ADGRV1: variants seen among roughly 807,000 people sequenced by gnomAD.
ADGRV1 encodes the protein G-protein coupled receptor 98.
A neutral mutation model predicts 596.2 loss-of-function variants in ADGRV1; 359 were observed. The ratio of observed to expected loss-of-function variants is 0.60; its 90% confidence interval spans 0.55 to 0.66. The LOEUF (loss-of-function observed/expected upper bound fraction) is 0.66. ADGRV1 is among the 30% of genes least tolerant of loss of function. The probability of loss-of-function intolerance (pLI) is 0.00; values close to 1 mark genes in which losing one functional copy is unlikely to be tolerated. For missense variants in ADGRV1, 7,274 were observed against 7,575.6 expected, an observed-to-expected ratio of 0.96 and a Z score of 1.48; for synonymous variants, 2,681 against 2,679.2, an observed-to-expected ratio of 1.00 and a Z score of -0.02.
At chr5:90,979,157 G>T (rs1438430866) in intron 84 of ADGRV1, among the ~76,000 whole-genome samples, 1 of 151,456 alleles carries the variant, frequency 6.6e-6, no homozygotes, top group Non-Finnish European at 1.5e-5. Context: ...GTCAATATTT[G>T]TGTCAATTTC....
chr5:90,629,675 G>T (rs932566355), intron 9 of ADGRV1, 136 bp downstream of exon 9: 60 of 637,448 alleles, frequency 9.4e-5, no homozygotes, highest in Non-Finnish European at 1.5e-4. Flanking sequence ...AGTTGTTTAG[G>T]TAGTCGGAAG....
At chr5:91,096,420 C>G (rs1790870931) in intron 86 of ADGRV1, among the ~76,000 whole-genome samples, 1 of 152,184 alleles carries the variant, frequency 6.6e-6, no homozygotes, top group East Asian at 1.9e-4. Context: ...TCTACTAACT[C>G]CCATGAGTAG....
At chr5:90,712,921 A>G (rs1409747728) in intron 42 of ADGRV1, among the ~76,000 whole-genome samples, 1 of 152,096 alleles carries the variant, frequency 6.6e-6, no homozygotes, top group Non-Finnish European at 1.5e-5. Context: ...CTTGGTTGGA[A>G]CAGTTTGATA....
At chr5:91,072,190 A>T (rs965425149) in intron 85 of ADGRV1, among the ~76,000 whole-genome samples, 2 of 152,142 alleles carry the variant, frequency 1.3e-5, no homozygotes, top group Admixed American at 1.3e-4. Flanking sequence ...TCTCAAATTT[A>T]TTTGGCCATA....
At position 90,974,287 on chromosome 5, in the gene ADGRV1, T is replaced by C. The variant is rs568471550; in HGVS notation, c.17973+8756T>C. On this transcript the variant is annotated intron_variant, in intron 84 of 89. Coordinates refer to ENST00000405460, the MANE Select transcript of ADGRV1 (RefSeq NM_032119.4). ...TGGCCATACTGCCCAAGGTAATTTA[T>C]AGATTCAATGCCATCCCCATCAAGC... is the stretch of plus-strand genomic sequence containing the variant. 8.6e-3 allele frequency among the ~76,000 whole-genome samples: 1,316 copies of C among 152,252 alleles called. 13 individuals carry two copies. The highest frequency in any genetic ancestry group is 0.014 in the Middle Eastern group (4 of 294).
rs773654802 is a variant in ADGRV1 at position 90,829,162 on chromosome 5, G to A, written c.16587G>A (p.Met5529Ile). 6.4e-7 allele frequency: 1 copy of A among 1,566,960 alleles called. No homozygotes were observed. Among genetic ancestry groups the A allele is most frequent in the Non-Finnish European group, 8.7e-7 (1 of 1,150,748 alleles). The change falls in exon 77 of 90, where the codon ATG becomes ATA. Residue 5529 changes from methionine (M) to isoleucine (I), a missense_variant. Transcript: ENST00000405460. ...QVARDSGTGL[M>I]MSVNFSTQEL... ...CCAGAGATTCTGGGACAGGACTAAT[G>A]ATGTCTGTTAACTTTAGTACCCAGG...
At chr5:90,974,237 A>G (rs1779339993) in intron 84 of ADGRV1, among the ~76,000 whole-genome samples, 10 of 152,282 alleles carry the variant, frequency 6.6e-5, no homozygotes, top group Middle Eastern at 3.4e-3. Flanking sequence ...ATGCTCATGG[A>G]TAGGAAGAAT....
chr5:90,688,149 T>C (rs1017626419), intron 29 of ADGRV1, among the ~76,000 whole-genome samples: 1 of 152,020 alleles, frequency 6.6e-6, no homozygotes, highest in African/African-American at 2.4e-5. Flanking sequence ...CAAACTATAC[T>C]ACAAGGCTAC....
intron 85 of ADGRV1, among the ~76,000 whole-genome samples, chr5:90,997,026 C>T (rs979151812): frequency 3.3e-5 from 5 of 152,110 alleles, no homozygotes; most frequent in Non-Finnish European, 7.3e-5. Context: ...GGCTTATAGG[C>T]AGAAGGGACT....
At chr5:91,120,383 G>A (rs953213380) in intron 87 of ADGRV1, among the ~76,000 whole-genome samples, 2 of 152,146 alleles carry the variant, frequency 1.3e-5, no homozygotes, top group African/African-American at 4.8e-5. Context: ...CACTATGTGG[G>A]CCAGTCACAA....
chr5:91,044,029 T>C (rs1405728420), intron 85 of ADGRV1, among the ~76,000 whole-genome samples: 1 of 152,082 alleles, frequency 6.6e-6, no homozygotes, highest in Admixed American at 6.6e-5. Context: ...CTGGAATGTG[T>C]ATAGGAGATA....
intron 79 of ADGRV1, among the ~76,000 whole-genome samples, chr5:90,852,065 G>A (rs1441447240): frequency 2.0e-5 from 3 of 152,122 alleles, no homozygotes; most frequent in African/African-American, 7.2e-5. Context: ...ACAAGCTATG[G>A]TGGAGGTGGA....
chr5:90,619,161 G>T lies in ADGRV1; in HGVS notation c.433G>T (p.Gly145Ter). 6.9e-7 allele frequency: 1 copy of T among 1,457,432 alleles called. No homozygotes were observed. 90.3% of individuals were successfully genotyped at this position (1,457,432 alleles called of 1,614,324 possible). A position where few individuals can be genotyped will look rare whatever the true frequency, so the allele number is the denominator to read the frequency against. Residue 145 changes from glycine to a stop codon, truncating the protein, a stop_gained, in exon 4 of 90, where the codon GGA becomes TGA. Coordinates refer to ENST00000405460, the MANE Select transcript of ADGRV1 (RefSeq NM_032119.4). LOFTEE classifies it high-confidence loss of function. ...VTILSNDNAFGIISFNMLPSI... is the reference protein window; with the variant it reads ...VTILSNDNAF ...AATATTATCAAATGACAATGCATTT[G>T]GAATTATTTCATTTAATATGGTATG...
At chr5:91,049,470 G>A (rs563584519) in intron 85 of ADGRV1, among the ~76,000 whole-genome samples, 1 of 152,270 alleles carries the variant, frequency 6.6e-6, no homozygotes, top group South Asian at 2.1e-4. Flanking sequence ...TCCATATGGT[G>A]ATCTACTTGG....
intron 76 of ADGRV1, among the ~76,000 whole-genome samples, chr5:90,827,213 A>G (rs766850818): frequency 4.6e-5 from 7 of 152,202 alleles, no homozygotes; most frequent in Non-Finnish European, 8.8e-5. Context: ...AACCAGGAAA[A>G]GAACCTGCTG....
rs182252414 is a variant in ADGRV1, at chr5:91,114,503, G to A, written c.18432+12163G>A. The stretch of plus-strand genomic sequence containing the variant: ...GATCACACCACTGCACTCCAGCCTC[G>A]GCAACAGAGCAACTCTGTCAAAAGA... On this transcript the variant is annotated intron_variant, in intron 87 of 89. Transcript: ENST00000405460. Among the ~76,000 whole-genome samples the A allele has an allele frequency of 7.2e-5, 11 of 152,218 alleles. No individual in the cohort carries two copies. The East Asian group carries it at 1.9e-3, about 27-fold the overall frequency.
intron 83 of ADGRV1, among the ~76,000 whole-genome samples, chr5:90,870,507 G>A (rs994483200): frequency 1.3e-5 from 2 of 152,078 alleles, no homozygotes; most frequent in Non-Finnish European, 2.9e-5. Context: ...GAAGGAAAAA[G>A]GTTTCAAATG....
In ADGRV1 at chr5:90,679,579, G is replaced by T; in HGVS notation, c.5474G>T (p.Gly1825Val). The T allele has an allele frequency of 6.2e-7, 1 of 1,613,636 alleles. No individual in the cohort carries two copies. The highest frequency in any genetic ancestry group is 1.1e-5 in the South Asian group (1 of 91,028). The change falls in exon 26 of 90, where the codon GGT (glycine) becomes GTT (valine). Residue 1825 changes from glycine to valine, a missense_variant. This residue lies in a region of ADGRV1 where 3,643 missense variants were observed against 3,809.2 expected (regional missense o/e 0.96). Coordinates refer to ENST00000405460, the MANE Select transcript of ADGRV1 (RefSeq NM_032119.4). ...GAACTCTTTAGGGTTGATGGAAGTG[G>T]TAGTGGTGATGGGGACATGGAATTC... ...VAELFRVDGS[G>V]SGDGDMEFFL...
At chr5:90,789,918 G>A in intron 69 of ADGRV1, 67 bp downstream of exon 69, 1 of 1,114,064 alleles carries the variant, frequency 9.0e-7, no homozygotes, top group Non-Finnish European at 1.2e-6. Flanking sequence ...GAGGGACAGG[G>A]AAACTGCATG....
Sources: allele counts gnomAD v4.1 joint callset (sites outside exome capture counted in the v4.1 genomes callset), GRCh38; gene constraint gnomAD v4.1.1; regional missense constraint gnomAD v4.1.1; transcripts MANE v1.5; gene names NCBI Gene and HGNC (gene_info 2026-07-23, HGNC 2026-07-21).